HS6ST3: variants seen among roughly 807,000 people sequenced by gnomAD.
HS6ST3 encodes heparan sulfate 6-O-sulfotransferase 3.
A neutral mutation model predicts 36.7 loss-of-function variants in HS6ST3; 12 were observed. That is an observed-to-expected ratio of 0.33 (90% CI 0.21 to 0.53). The LOEUF is 0.53. Among genes scored for constraint, HS6ST3 ranks in the 20% least tolerant of loss-of-function variants. The pLI is 0.95. For synonymous variants in HS6ST3, 240 were observed against 257.5 expected, an observed-to-expected ratio of 0.93 and a Z score of 0.65; for missense variants, 584 against 640.9, an observed-to-expected ratio of 0.91 and a Z score of 0.96.
At chr13:96,551,460 C>T (rs1242946215) in intron 1 of HS6ST3, among the ~76,000 whole-genome samples, 1 of 152,066 alleles carries the variant, frequency 6.6e-6, no homozygotes, top group Non-Finnish European at 1.5e-5. Context: ...CATTGGCAGA[C>T]GTTGTATTCA....
intron 1 of HS6ST3, among the ~76,000 whole-genome samples, chr13:96,748,418 A>G (rs968505767): frequency 5.9e-5 from 9 of 152,156 alleles, no homozygotes; most frequent in Admixed American, 3.9e-4. Context: ...GAGGAAGACC[A>G]CAAGCCAGGA....
intron 1 of HS6ST3, among the ~76,000 whole-genome samples, chr13:96,094,392 G>A (rs2053779985): frequency 6.6e-6 from 1 of 152,054 alleles, no homozygotes. Flanking sequence ...AAAACCATGA[G>A]GTCCGTTTCT....
chr13:96,346,582 ATAAT>A (rs1473147314), intron 1 of HS6ST3, among the ~76,000 whole-genome samples: 3 of 142,396 alleles, frequency 2.1e-5, no homozygotes, highest in East Asian at 2.1e-4. Context: ...CAAAAAAAAA[ATAAT>A]AATAATAATA....
chr13:96,476,686 A>G (rs1036472493), intron 1 of HS6ST3, among the ~76,000 whole-genome samples: 2 of 152,170 alleles, frequency 1.3e-5, no homozygotes, highest in South Asian at 2.1e-4. Context: ...CTGCAGTGAC[A>G]TTAGATCTTG....
At chr13:96,317,380 A>ATAAAAT (rs2054980589) in intron 1 of HS6ST3, among the ~76,000 whole-genome samples, 1 of 121,894 alleles carries the variant, frequency 8.2e-6, no homozygotes, top group Non-Finnish European at 1.8e-5. Context: ...AATTATATAT[A>ATAAAAT]TATATATATA....
intron 1 of HS6ST3, among the ~76,000 whole-genome samples, chr13:96,467,689 T>G (rs1188115651): frequency 6.6e-6 from 1 of 152,176 alleles, no homozygotes; most frequent in East Asian, 1.9e-4. Flanking sequence ...ATGATAACCA[T>G]TCTTCACATA....
chr13:96,609,064 G>A (rs2056448594), intron 1 of HS6ST3, among the ~76,000 whole-genome samples: 1 of 152,000 alleles, frequency 6.6e-6, no homozygotes, highest in South Asian at 2.1e-4. Flanking sequence ...CCACCTCCCG[G>A]GTTCATGCCA....
chr13:96,329,876 T>C (rs1298954919), intron 1 of HS6ST3, among the ~76,000 whole-genome samples: 17 of 140,890 alleles, frequency 1.2e-4, no homozygotes, highest in Non-Finnish European at 2.5e-4. Context: ...CTGTATTGGG[T>C]GCATATATAT....
chr13:96,286,076 C>G (rs961513983), intron 1 of HS6ST3, among the ~76,000 whole-genome samples: 1 of 149,108 alleles, frequency 6.7e-6, no homozygotes, highest in Admixed American at 6.7e-5. Context: ...ACTTCCTCCT[C>G]TCTCTTTCTC....
intron 1 of HS6ST3, among the ~76,000 whole-genome samples, chr13:96,375,258 C>A (rs2055309182): frequency 6.6e-6 from 1 of 151,420 alleles, no homozygotes; most frequent in Non-Finnish European, 1.5e-5. Context: ...CTGTTCCCCT[C>A]CAACTCCTAG....
chr13:96,557,868 G>C (rs1435160491), intron 1 of HS6ST3, among the ~76,000 whole-genome samples: 1 of 152,128 alleles, frequency 6.6e-6, no homozygotes, highest in Non-Finnish European at 1.5e-5. Flanking sequence ...TTTTGTCACT[G>C]ACTGGCTGTG....
intron 1 of HS6ST3, among the ~76,000 whole-genome samples, chr13:96,264,863 A>C (rs951714811): frequency 7.2e-5 from 11 of 152,232 alleles, no homozygotes; most frequent in African/African-American, 2.7e-4. Flanking sequence ...TGAAATTTGA[A>C]AATAACTTTT....
chr13:96,699,692 T>G (rs1875232292), intron 1 of HS6ST3, among the ~76,000 whole-genome samples: 1 of 152,224 alleles, frequency 6.6e-6, no homozygotes, highest in African/African-American at 2.4e-5. Flanking sequence ...TGGCGATTCC[T>G]CAGGGATCTA....
intron 1 of HS6ST3, among the ~76,000 whole-genome samples, chr13:96,612,793 G>A (rs554790682): frequency 3.9e-5 from 6 of 152,026 alleles, no homozygotes; most frequent in African/African-American, 1.4e-4. Context: ...CAGAGTGCAC[G>A]GTACAGTCTT....
intron 1 of HS6ST3, among the ~76,000 whole-genome samples, chr13:96,596,074 A>G (rs1233547626): frequency 2.0e-5 from 3 of 152,020 alleles, no homozygotes; most frequent in Admixed American, 1.3e-4. Context: ...TCAACAGGTA[A>G]TTTTTCATCC....
chr13:96,629,674 A>G (rs1305950543), intron 1 of HS6ST3, among the ~76,000 whole-genome samples: 1 of 151,976 alleles, frequency 6.6e-6, no homozygotes, highest in Non-Finnish European at 1.5e-5. Flanking sequence ...CTTTATTTTC[A>G]ATGTTATGTA....
intron 1 of HS6ST3, among the ~76,000 whole-genome samples, chr13:96,710,164 C>A (rs1421161809): frequency 6.6e-6 from 1 of 152,230 alleles, no homozygotes; most frequent in South Asian, 2.1e-4. Flanking sequence ...TACTATATAT[C>A]ATTAGGCTAC....
intron 1 of HS6ST3, among the ~76,000 whole-genome samples, chr13:96,427,610 C>G (rs1237691561): frequency 6.6e-6 from 1 of 151,898 alleles, no homozygotes; most frequent in African/African-American, 2.4e-5. Context: ...AAAGATAGAA[C>G]TGAGAGTTTT....
chr13:96,763,328 A>T (rs181359826), intron 1 of HS6ST3, among the ~76,000 whole-genome samples: 1 of 149,796 alleles, frequency 6.7e-6, no homozygotes, highest in Non-Finnish European at 1.5e-5. Flanking sequence ...TTTAATATGA[A>T]TATATTTATA....
Sources: gnomAD v4.1 joint callset for allele counts (sites outside exome capture counted in the v4.1 genomes callset) on GRCh38, gnomAD v4.1.1 for gene constraint, MANE v1.5 for transcripts, NCBI Gene and HGNC (gene_info 2026-07-23, HGNC 2026-07-21) for gene names.